The following MTREX variants were observed in gnomAD, a reference collection of about 807,000 sequenced individuals.
MTREX encodes exosome RNA helicase MTR4.
A neutral mutation model predicts 135.4 loss-of-function variants in MTREX; 76 were observed. The observed-to-expected ratio is 0.56, with a 90% CI of 0.47 to 0.68. The LOEUF (loss-of-function observed/expected upper bound fraction) is 0.68, where lower values mean the gene tolerates loss of function less well. Among genes scored for constraint, MTREX ranks in the 30% least tolerant of loss-of-function variants. MTREX has a pLI of 0.00. For synonymous variants in MTREX, 404 were observed against 401.6 expected, an observed-to-expected ratio of 1.01 and a Z score of -0.07; for missense variants, 920 against 1,262.1, an observed-to-expected ratio of 0.73 and a Z score of 4.11.
In MTREX at chr5:55,420,448, T is replaced by C. The variant is rs1435981809; in HGVS notation, c.2972-2430T>C. Among the ~76,000 whole-genome samples, 4 of 152,224 alleles carry C rather than the reference T, an allele frequency of 2.6e-5. No individual in the cohort carries two copies. The East Asian group carries it at 7.7e-4, about 29-fold the overall frequency. The stretch of plus-strand genomic sequence containing the variant: ...ATAGATGAATAAATTGTGGTATATA[T>C]TAGGTTGGTGCCAAAGTAATTGTGG... On this transcript the variant is annotated intron_variant, in intron 25 of 26. Transcript: ENST00000230640.
At chr5:55,367,084 T>A (rs1019755867) in intron 16 of MTREX, among the ~76,000 whole-genome samples, 7 of 152,238 alleles carry the variant, frequency 4.6e-5, no homozygotes, top group African/African-American at 1.7e-4. Context: ...TTTTCTATAG[T>A]TGGCTCAAAT....
rs1317121161 is a variant in MTREX, at chr5:55,387,886, T to A, written c.2053-88T>A. The A allele has an allele frequency of 3.1e-6, 4 of 1,293,354 alleles. No homozygotes were observed. The East Asian group carries it at 9.8e-5, about 32-fold the overall frequency. The allele number at this position is 1,293,354 out of a possible 1,614,324, so 80.1% of individuals were successfully genotyped here. A position where few individuals can be genotyped will look rare whatever the true frequency, so the allele number is the denominator to read the frequency against. The stretch of plus-strand genomic sequence containing the variant: ...TTGTGTCAGTCATAATGCTAAATGC[T>A]GAGAAAATAGTTCCTATACAGATGG... On this transcript the variant is annotated intron_variant, in intron 18 of 26. Coordinates refer to ENST00000230640, the MANE Select transcript of MTREX (RefSeq NM_015360.5).
In MTREX at chr5:55,345,207, A is replaced by ACT; in HGVS notation, c.1108+12_1108+13dup. 1.3e-6 allele frequency: 2 copies of ACT among 1,553,424 alleles called. No individual in the cohort carries two copies. The highest frequency in any genetic ancestry group is 1.8e-6 in the Non-Finnish European group (2 of 1,127,530). On this transcript the variant is annotated intron_variant, in intron 10 of 26. Transcript: ENST00000230640. Reference sequence around the variant, plus strand: ...AAGGAGGAACAAAAGGTAATTTGGAACTTTGCTTTGAGAGAATTTTACATG... The same window carrying ACT: ...AAGGAGGAACAAAAGGTAATTTGGAACTCTTTGCTTTGAGAGAATTTTACATG...
chr5:55,354,887 C>T (rs567182005), intron 14 of MTREX, among the ~76,000 whole-genome samples: 65 of 152,290 alleles, frequency 4.3e-4, no homozygotes, highest in African/African-American at 1.5e-3. Context: ...GGACAGCAGT[C>T]AACCAACCGC....
intron 19 of MTREX, among the ~76,000 whole-genome samples, chr5:55,388,986 T>C (rs1418923233): frequency 3.3e-5 from 5 of 152,198 alleles, no homozygotes; most frequent in Non-Finnish European, 7.4e-5. Context: ...TAAATTATTA[T>C]GGGTTTTGGA....
chr5:55,404,488 C>A (rs1203627355), intron 21 of MTREX, among the ~76,000 whole-genome samples: 1 of 152,162 alleles, frequency 6.6e-6, no homozygotes, highest in Non-Finnish European at 1.5e-5. Context: ...GAATAGTTTT[C>A]AGGACATCAT....
At chr5:55,321,823 G>A (rs553092505) in intron 1 of MTREX, among the ~76,000 whole-genome samples, 38 of 152,044 alleles carry the variant, frequency 2.5e-4, no homozygotes, top group African/African-American at 9.2e-4. Flanking sequence ...TGTCCAGGCT[G>A]GTCTCTAACT....
At chr5:55,322,251 G>C in intron 1 of MTREX, 76 bp from the exon 2 acceptor site, 1 of 1,271,894 alleles carries the variant, frequency 7.9e-7, no homozygotes, top group Non-Finnish European at 1.1e-6. Flanking sequence ...TAATGGTATA[G>C]AGCAGTATTT....
intron 7 of MTREX, 103 bp from the exon 8 acceptor site, chr5:55,343,228 T>C: frequency 9.7e-7 from 1 of 1,035,594 alleles, no homozygotes; most frequent in Non-Finnish European, 1.4e-6. Context: ...GAGTAAAGTC[T>C]GCATTTCTAA....
chr5:55,372,352 A>C (rs1561200474), intron 16 of MTREX, among the ~76,000 whole-genome samples: 3 of 152,190 alleles, frequency 2.0e-5, no homozygotes, highest in African/African-American at 7.2e-5. Context: ...AGGTAGTACA[A>C]AAGACTAGAA....
In MTREX at chr5:55,324,147, G is replaced by T; in HGVS notation, c.288G>T (p.Met96Ile). 1 of 1,610,984 alleles carries T rather than the reference G, an allele frequency of 6.2e-7. No individual in the cohort carries two copies. The highest frequency in any genetic ancestry group is 8.5e-7 in the Non-Finnish European group (1 of 1,178,336). The part of the protein sequence containing the change: ...ITEDLSLADL[M>I]PRVKVQSVET... ...TCTTTTTAAGTTTGGCAGACCTGAT[G>T]CCCAGAGTCAAGGTACAATCAGTTG... The change falls in exon 3 of 27, where the codon ATG becomes ATT. Residue 96 changes from methionine to isoleucine, a missense_variant. Physicochemically the swap from Met to Ile is conservative, Grantham distance 10. Coordinates refer to ENST00000230640, the MANE Select transcript of MTREX (RefSeq NM_015360.5).
chr5:55,351,224 G>A (rs1042302544), intron 13 of MTREX, among the ~76,000 whole-genome samples, 195 bp downstream of exon 13: 2 of 151,878 alleles, frequency 1.3e-5, no homozygotes, highest in Non-Finnish European at 2.9e-5. Context: ...AAAAACATTT[G>A]TTTCCTTTCT....
In MTREX at chr5:55,412,922, A is replaced by G. The variant is rs539569375; in HGVS notation, c.2752-1260A>G. 1.2e-3 allele frequency among the ~76,000 whole-genome samples: 187 copies of G among 152,318 alleles called. 1 individual carries two copies. The highest frequency in any genetic ancestry group is 7.7e-3 in the Admixed American group (118 of 15,300). On this transcript the variant is annotated intron_variant, in intron 23 of 26. Transcript: ENST00000230640. ...AATTTTTGGTTTTAGCAGCAATAATATGGAATCTGGTTCTTGATTTATTAT... is the reference window on the plus strand; with the variant it reads ...AATTTTTGGTTTTAGCAGCAATAATGTGGAATCTGGTTCTTGATTTATTAT...
chr5:55,387,350 G>C (rs1244386559), intron 18 of MTREX, among the ~76,000 whole-genome samples: 1 of 152,030 alleles, frequency 6.6e-6, no homozygotes, highest in Admixed American at 6.5e-5. Context: ...ACATAGTCAA[G>C]TCTTTGCTGT....
intron 3 of MTREX, among the ~76,000 whole-genome samples, chr5:55,325,225 C>G (rs1005562072): frequency 2.0e-5 from 3 of 150,364 alleles, no homozygotes; most frequent in African/African-American, 4.9e-5. Context: ...GGTTTAGAAC[C>G]TTATCTTTTT....
intron 5 of MTREX, among the ~76,000 whole-genome samples, chr5:55,331,839 CTT>C (rs1305870687): frequency 2.6e-5 from 4 of 152,214 alleles, no homozygotes; most frequent in African/African-American, 2.4e-5. Context: ...TTTTCTCTCT[CTT>C]GGGGCGTACT....
At chr5:55,365,959 C>G (rs1316863365) in intron 15 of MTREX, among the ~76,000 whole-genome samples, 1 of 151,134 alleles carries the variant, frequency 6.6e-6, no homozygotes, top group Non-Finnish European at 1.5e-5. Context: ...CCATTGCACT[C>G]CAGCCTGGGC....
rs70992784 is a variant in MTREX, at chr5:55,402,872, G to GTGTGTGTGTGTA, written c.2481+2452_2481+2453insGTGTGTGTGTAT. On this transcript the variant is annotated intron_variant, in intron 21 of 26. Transcript: ENST00000230640. ...TATGTATGTGTGTGTGTGTGTGTGT[G>GTGTGTGTGTGTA]TATATATATAATTTCTTTTTTTTTT... Among the ~76,000 whole-genome samples the GTGTGTGTGTGTA allele has an allele frequency of 5.6e-3, 777 of 138,838 alleles. 8 individuals carry two copies. Among genetic ancestry groups the GTGTGTGTGTGTA allele is most frequent in the African/African-American group, 0.018 (645 of 36,698 alleles). The allele number at this position is 138,838 out of a possible 152,430, so 91.1% of individuals were successfully genotyped here.
At chr5:55,314,205 G>C (rs1032399282) in intron 1 of MTREX, among the ~76,000 whole-genome samples, 2 of 152,198 alleles carry the variant, frequency 1.3e-5, no homozygotes, top group Non-Finnish European at 2.9e-5. Context: ...ATTTTTGCTA[G>C]ATGTAGCCAA....
Sources: allele counts gnomAD v4.1 joint callset (sites outside exome capture counted in the v4.1 genomes callset), GRCh38; gene constraint gnomAD v4.1.1; transcripts MANE v1.5; gene names NCBI Gene and HGNC (gene_info 2026-07-23, HGNC 2026-07-21).